Variants in ESPL1 observed in about 807,000 individuals in gnomAD.
The protein encoded by ESPL1 is separin.
A neutral mutation model predicts 217.2 loss-of-function variants in ESPL1; 50 were observed. The observed-to-expected ratio is 0.23, with a 90% confidence interval of 0.18 to 0.29. The LOEUF is 0.29. Among genes scored for constraint, ESPL1 ranks in the 10% least tolerant of loss-of-function variants. The probability of loss-of-function intolerance (pLI) is 1.00; values close to 1 mark genes in which losing one functional copy is unlikely to be tolerated. For synonymous variants in ESPL1, 994 were observed against 1,081.3 expected (o/e 0.92, Z 1.58); for missense variants, 1,834 against 2,603.0 (o/e 0.70, Z 6.43).
Position 53,283,083 on chromosome 12 carries a change from G to A in ESPL1, c.2792-46G>A, listed in dbSNP as rs1943890704. ...TGCTGCCTTAGTAGCTAAAAGTGGT[G>A]AAGTTCTGGCTGCATCTTCTCCCTT... On this transcript the variant is annotated intron_variant, in intron 14 of 30. Transcript: ENST00000257934. 6 of 1,612,354 alleles carry A rather than the reference G, an allele frequency of 3.7e-6. No homozygotes were observed. In the East Asian group the frequency reaches 1.3e-4, roughly 36 times the overall value.
At chr12:53,291,605 A>G in intron 25 of ESPL1, 85 bp from the exon 26 acceptor site, 1 of 1,418,662 alleles carries the variant, frequency 7.0e-7, no homozygotes, top group African/African-American at 1.4e-5. Flanking sequence ...AAAAGAAAAC[A>G]GGGAAAGGGA....
At position 53,279,774 on chromosome 12, in the gene ESPL1, T is replaced by A; in HGVS notation, c.2407T>A (p.Ser803Thr). Reference protein sequence around the residue: ...LEVLLLLRIVSERLKDHSKAA... With the variant: ...LEVLLLLRIVTERLKDHSKAA... ...GGTCCTCCTGCTGCTACGGATTGTC[T>A]CTGAGAGACTGAAGGACCACTCGAA... is the stretch of plus-strand genomic sequence containing the variant. The change falls in exon 12 of 31, where the codon TCT becomes ACT. Residue 803 changes from serine to threonine, a missense_variant. Around this residue, in one of 5 missense-constraint regions of ESPL1, gnomAD observed 746 missense variants for 1,077.0 expected, o/e 0.69. Transcript: ENST00000257934. 4 of 1,614,036 alleles carry A rather than the reference T, an allele frequency of 2.5e-6. No homozygotes were observed. Among genetic ancestry groups the A allele is most frequent in the Non-Finnish European group, 3.4e-6 (4 of 1,180,000 alleles).
In ESPL1 at chr12:53,269,578, A is replaced by G. The variant is rs751089316; in HGVS notation, c.636A>G (p.Leu212=). The G allele has an allele frequency of 3.1e-6, 5 of 1,614,226 alleles. No individual in the cohort carries two copies. The highest frequency in any genetic ancestry group is 2.2e-5 in the South Asian group (2 of 91,082). The change falls in exon 3 of 31, where the codon CTA becomes CTG. Residue 212 remains leucine (L), a synonymous_variant. Transcript: ENST00000257934. This position sits in a 1 kb window ranked among gnomAD's most constrained non-coding sequence, Gnocchi z 6.7. ...TATTTGATGCCAGTGGCCATGGTCT[A>G]AATGAAGCAGATGCTGATTTCCTAG... is the stretch of plus-strand genomic sequence containing the variant. The part of the protein sequence containing the change: ...HQLFDASGHG[L]NEADADFLDD...
intron 11 of ESPL1, among the ~76,000 whole-genome samples, chr12:53,278,889 C>T (rs910322241): frequency 2.0e-5 from 3 of 151,816 alleles, no homozygotes; most frequent in Admixed American, 6.6e-5. Flanking sequence ...CCCAGCTTTC[C>T]GCCCCGCCCC....
At chr12:53,270,231 G>C (rs3741663) in intron 3 of ESPL1, 146 bp downstream of exon 3, 9 of 937,822 alleles carry the variant, frequency 9.6e-6, no homozygotes, top group Non-Finnish European at 1.3e-5. Flanking sequence ...AAACAGCCTA[G>C]TCTATCCTGA....
Position 53,270,787 on chromosome 12 carries a change from T to C in ESPL1, c.1358T>C (p.Met453Thr), listed in dbSNP as rs144769405. 1 of 1,614,088 alleles carries C rather than the reference T, an allele frequency of 6.2e-7. No homozygotes were observed. Among genetic ancestry groups the C allele is most frequent in the Non-Finnish European group, 8.5e-7 (1 of 1,180,034 alleles). The change falls in exon 5 of 31, where the codon ATG becomes ACG. Residue 453 changes from methionine (M) to threonine (T), a missense_variant. Physicochemically the swap from Met to Thr is moderately conservative, Grantham distance 81. Coordinates refer to ENST00000257934, the MANE Select transcript of ESPL1 (RefSeq NM_012291.5). ...GLSGQELTDHMGMTASYTSNL... is the reference protein window; with the variant it reads ...GLSGQELTDHTGMTASYTSNL... Reference sequence around the variant, plus strand: ...TCGGGCCAAGAGCTGACGGACCACATGGGGATGACCGGTTAGTGCCCTGGG... The same window carrying C: ...TCGGGCCAAGAGCTGACGGACCACACGGGGATGACCGGTTAGTGCCCTGGG...
At chr12:53,280,596 T>C (rs945484543) in intron 12 of ESPL1, among the ~76,000 whole-genome samples, 1 of 152,054 alleles carries the variant, frequency 6.6e-6, no homozygotes, top group South Asian at 2.1e-4. Flanking sequence ...CTTGAACTCC[T>C]GGGCTCAAGT....
chr12:53,275,178 G>C (rs1352521699), intron 7 of ESPL1, among the ~76,000 whole-genome samples, 168 bp downstream of exon 7: 1 of 152,140 alleles, frequency 6.6e-6, no homozygotes, highest in Non-Finnish European at 1.5e-5. Flanking sequence ...GTGCACAGTG[G>C]CTCACACATG....
chr12:53,280,530 G>A (rs918929580), intron 12 of ESPL1, among the ~76,000 whole-genome samples: 4 of 151,986 alleles, frequency 2.6e-5, no homozygotes, highest in Non-Finnish European at 4.4e-5. Flanking sequence ...CACCACACCT[G>A]GCTAATTTTT....
intron 9 of ESPL1, 87 bp from the exon 10 acceptor site, chr12:53,277,383 C>T (rs1565755478): frequency 3.3e-6 from 5 of 1,521,126 alleles, no homozygotes; most frequent in Admixed American, 4.0e-5. Flanking sequence ...TGGGCTCCAA[C>T]AATCCTCCCA....
At chr12:53,285,017 A>AAC (rs1943922335) in intron 17 of ESPL1, among the ~76,000 whole-genome samples, 1 of 138,224 alleles carries the variant, frequency 7.2e-6, no homozygotes, top group African/African-American at 2.5e-5. Context: ...ACTCAAAAAA[A>AAC]AAAAAAAAAA....
chr12:53,276,614 T>C lies in ESPL1; in HGVS notation c.1701-6T>C, dbSNP rs769705862. 1 of 1,605,296 alleles carries C rather than the reference T, an allele frequency of 6.2e-7. No homozygotes were observed. The highest frequency in any genetic ancestry group is 8.5e-7 in the Non-Finnish European group (1 of 1,176,570). ...CCACCCTGGTGCTGAGCATGCCCTC[T>C]CTCAGGACTCTGCGAGACAGCCTCA... On this transcript the variant is annotated splice_region_variant and splice_polypyrimidine_tract_variant and intron_variant, in intron 7 of 30. Transcript: ENST00000257934.
Position 53,278,771 on chromosome 12 carries a change from A to T in ESPL1, c.2364+811A>T, listed in dbSNP as rs377530331. ...CGCCTGGCTACTTTTTTGTATTTTT[A>T]GTATAGACAGGGTTTCACCATATTG... is the stretch of plus-strand genomic sequence containing the variant. On this transcript the variant is annotated intron_variant, in intron 11 of 30. Transcript: ENST00000257934. Among the ~76,000 whole-genome samples, 3 of 148,564 alleles carry T rather than the reference A, an allele frequency of 2.0e-5. No individual in the cohort carries two copies. The East Asian group carries it at 6.2e-4, about 30-fold the overall frequency.
chr12:53,289,455 G>T lies in ESPL1; in HGVS notation c.4974G>T (p.Gly1658=). The change falls in exon 22 of 31, where the codon GGG becomes GGT. Residue 1658 remains glycine (G), a synonymous_variant. Transcript: ENST00000257934. ...TTGAAATAGCAGACCAGCTGCAGGGGCTGAGCCTTCAGGAGATGCCTGGAG... is the reference window on the plus strand; with the variant it reads ...TTGAAATAGCAGACCAGCTGCAGGGTCTGAGCCTTCAGGAGATGCCTGGAG... ...GSLEIADQLQ[G]LSLQEMPGDV... 6.2e-7 allele frequency: 1 copy of T among 1,614,152 alleles called. No individual in the cohort carries two copies. The highest frequency in any genetic ancestry group is 1.3e-5 in the African/African-American group (1 of 75,072).
intron 11 of ESPL1, 65 bp downstream of exon 11, chr12:53,278,025 G>T (rs80228912): frequency 6.6e-7 from 1 of 1,506,360 alleles, no homozygotes; most frequent in Non-Finnish European, 9.1e-7. Context: ...CAGCTCCCTC[G>T]CCTTCTTTGG....
chr12:53,272,652 C>A, intron 5 of ESPL1, 69 bp from the exon 6 acceptor site: 1 of 1,556,692 alleles, frequency 6.4e-7, no homozygotes, highest in Non-Finnish European at 8.7e-7. Context: ...CTGATCTCTG[C>A]TGCCTCTCCA....
chr12:53,271,804 T>C lies in ESPL1; in HGVS notation c.1370-917T>C, dbSNP rs545047738. Among the ~76,000 whole-genome samples, 16 of 152,252 alleles carry C rather than the reference T, an allele frequency of 1.1e-4. No individual in the cohort carries two copies. In the South Asian group the frequency reaches 2.7e-3, roughly 26 times the overall value. Reference sequence around the variant, plus strand: ...TTATTATCATTTATTCAGCAAATATTTGTTGCCGGGCGCAGTGGCTCACGC... The same window carrying C: ...TTATTATCATTTATTCAGCAAATATCTGTTGCCGGGCGCAGTGGCTCACGC... On this transcript the variant is annotated intron_variant, in intron 5 of 30. Transcript: ENST00000257934.
Position 53,287,797 on chromosome 12 carries a change from C to T in ESPL1, c.4177-175C>T. ...CTCATTTTCTCCCTCCTTCCACACC[C>T]AAGAGTCGCTGCCCCTGATCTAGAG... is the stretch of plus-strand genomic sequence containing the variant. On this transcript the variant is annotated intron_variant, in intron 18 of 30. Coordinates refer to ENST00000257934, the MANE Select transcript of ESPL1 (RefSeq NM_012291.5). The T allele has an allele frequency of 5.1e-6, 3 of 585,030 alleles. 1 individual carries two copies. The South Asian group carries it at 7.8e-5, about 15-fold the overall frequency. 36.2% of individuals were successfully genotyped at this position (585,030 alleles called of 1,614,324 possible).
intron 21 of ESPL1, 35 bp downstream of exon 21, chr12:53,289,338 G>A (rs1944012625): frequency 2.5e-6 from 4 of 1,610,558 alleles, no homozygotes; most frequent in Non-Finnish European, 3.4e-6. Context: ...TCCTGCTGGG[G>A]CAGACTAGAG....
Sources: gnomAD v4.1 joint callset for allele counts (sites outside exome capture counted in the v4.1 genomes callset) on GRCh38, gnomAD v4.1.1 for gene constraint, gnomAD v4.1.1 regional missense constraint, Gnocchi (gnomAD v3.1) non-coding constraint, MANE v1.5 for transcripts, NCBI Gene and HGNC (gene_info 2026-07-23, HGNC 2026-07-21) for gene names.